TPST1: variants seen among roughly 807,000 people sequenced by gnomAD.
TPST1 encodes protein-tyrosine sulfotransferase 1.
TPST1 carries 20 observed loss-of-function variants against 34.8 expected under a neutral mutation model. That is an observed-to-expected ratio of 0.57 (90% confidence interval 0.40 to 0.84). The LOEUF is 0.84. Among genes scored for constraint, TPST1 ranks in the 40% least tolerant of loss-of-function variants. The pLI is 0.00. For missense variants in TPST1, 353 were observed against 455.5 expected (o/e 0.78, Z 2.05); for synonymous variants, 152 against 159.4 (o/e 0.95, Z 0.35).
chr7:66,206,968 T>C (rs538649008), intron 1 of TPST1, among the ~76,000 whole-genome samples: 1 of 152,254 alleles, frequency 6.6e-6, no homozygotes, highest in East Asian at 1.9e-4. Context: ...TTGGAGGAAA[T>C]AGCGAGTCGA....
intron 3 of TPST1, among the ~76,000 whole-genome samples, chr7:66,327,994 CTTTT>C (rs1241420683): frequency 2.1e-5 from 1 of 47,866 alleles, no homozygotes. Flanking sequence ...TTTTTTCTTT[CTTTT>C]TTTTTTCCTT....
rs193002691 is a variant in TPST1 at position 66,342,908 on chromosome 7, A to G, written c.1045-9597A>G. Among the ~76,000 whole-genome samples, 368 of 152,284 alleles carry G rather than the reference A, an allele frequency of 2.4e-3. 2 individuals carry two copies. The highest frequency in any genetic ancestry group is 8.3e-3 in the African/African-American group (343 of 41,558). Reference sequence around the variant, plus strand: ...TCAACACTGGGAATCACATTTCAGCATGAGTTGGAGGGGAAAAATACCCAA... The same window carrying G: ...TCAACACTGGGAATCACATTTCAGCGTGAGTTGGAGGGGAAAAATACCCAA... On this transcript the variant is annotated intron_variant, in intron 3 of 5. Coordinates refer to ENST00000304842, the MANE Select transcript of TPST1 (RefSeq NM_003596.4).
intron 3 of TPST1, among the ~76,000 whole-genome samples, chr7:66,322,306 A>G (rs1289230327): frequency 6.6e-6 from 1 of 152,180 alleles, no homozygotes; most frequent in Admixed American, 6.6e-5. Flanking sequence ...CAGTAGTGTT[A>G]AACATATTTA....
chr7:66,248,593 T>C (rs938991317), intron 2 of TPST1, among the ~76,000 whole-genome samples: 2 of 145,288 alleles, frequency 1.4e-5, no homozygotes, highest in Non-Finnish European at 3.0e-5. Context: ...AACCTCTGCC[T>C]CACGAGTTCA....
chr7:66,280,125 C>G (rs1457196324), intron 2 of TPST1, among the ~76,000 whole-genome samples: 14 of 152,226 alleles, frequency 9.2e-5, no homozygotes. Context: ...ATCCTGGCAC[C>G]AAAGGACAGC....
chr7:66,265,571 GA>G (rs1790575817), intron 2 of TPST1, among the ~76,000 whole-genome samples: 5 of 149,592 alleles, frequency 3.3e-5, no homozygotes, highest in Admixed American at 1.3e-4. Flanking sequence ...AAAGAAAAAA[GA>G]AAAAAAGGGA....
intron 4 of TPST1, among the ~76,000 whole-genome samples, chr7:66,354,994 CGAA>C (rs1554358408): frequency 6.6e-6 from 1 of 151,706 alleles, no homozygotes; most frequent in Non-Finnish European, 1.5e-5. Context: ...CTCATAAAAA[CGAA>C]GAAGATAATA....
chr7:66,338,172 A>ATTTTT (rs1792160480), intron 3 of TPST1, among the ~76,000 whole-genome samples: 1 of 152,232 alleles, frequency 6.6e-6, no homozygotes, highest in East Asian at 1.9e-4. Flanking sequence ...AAACCAAAAA[A>ATTTTT]GAGCAAGAGA....
chr7:66,262,381 C>T (rs781165486), intron 2 of TPST1, among the ~76,000 whole-genome samples: 2 of 152,148 alleles, frequency 1.3e-5, no homozygotes, highest in Admixed American at 6.5e-5. Context: ...CCTTTTATGC[C>T]TTGTGGGAGC....
At position 66,332,524 on chromosome 7, in the gene TPST1, C is replaced by T. The variant is rs1198121212; in HGVS notation, c.1045-19981C>T. 6.6e-6 allele frequency among the ~76,000 whole-genome samples: 1 copy of T among 152,126 alleles called. No individual in the cohort carries two copies. The highest frequency in any genetic ancestry group is 1.5e-5 in the Non-Finnish European group (1 of 68,018). ...CTGACCTCAGGTGATCCACCCGCCTCGGCCTCCCAAAGTGCTAGGATTACA... is the reference window on the plus strand; with the variant it reads ...CTGACCTCAGGTGATCCACCCGCCTTGGCCTCCCAAAGTGCTAGGATTACA... On this transcript the variant is annotated intron_variant, in intron 3 of 5. Transcript: ENST00000304842. This position sits in a 1 kb window ranked among gnomAD's most constrained non-coding sequence, Gnocchi z 4.5.
chr7:66,309,085 A>G (rs1791480263), intron 3 of TPST1, among the ~76,000 whole-genome samples: 1 of 152,138 alleles, frequency 6.6e-6, no homozygotes, highest in Non-Finnish European at 1.5e-5. Flanking sequence ...TTTAGTAGAG[A>G]CAGGGTTTCA....
chr7:66,244,589 T>C (rs1045858925), intron 2 of TPST1, among the ~76,000 whole-genome samples: 10 of 152,222 alleles, frequency 6.6e-5, no homozygotes, highest in Non-Finnish European at 1.3e-4. Flanking sequence ...TTTGAGGCTA[T>C]TTACGTTGCC....
intron 2 of TPST1, among the ~76,000 whole-genome samples, chr7:66,256,143 C>G (rs914025665): frequency 2.6e-5 from 4 of 152,132 alleles, no homozygotes; most frequent in Admixed American, 2.0e-4. Context: ...AGAGTTCACT[C>G]TAAAGGGAAT....
chr7:66,260,468 CTG>C (rs1462744522), intron 2 of TPST1, among the ~76,000 whole-genome samples: 2 of 152,234 alleles, frequency 1.3e-5, no homozygotes, highest in South Asian at 2.1e-4. Flanking sequence ...TCCATAATAA[CTG>C]TGGAATAATC....
chr7:66,230,065 G>C (rs187283603), intron 1 of TPST1, among the ~76,000 whole-genome samples: 3 of 152,168 alleles, frequency 2.0e-5, no homozygotes, highest in African/African-American at 4.8e-5. Context: ...GCACGCACCT[G>C]TAGTCCCAGC....
intron 1 of TPST1, among the ~76,000 whole-genome samples, chr7:66,239,147 C>T (rs2116396536): frequency 6.6e-6 from 1 of 152,310 alleles, no homozygotes; most frequent in South Asian, 2.1e-4. Context: ...TAGAATATCC[C>T]TCCCTCTGTC....
intron 2 of TPST1, among the ~76,000 whole-genome samples, chr7:66,242,379 C>CT (rs1430336446): frequency 2.6e-5 from 4 of 152,006 alleles, no homozygotes; most frequent in African/African-American, 9.7e-5. Context: ...GCCCTTCTTA[C>CT]TTTCACCAAG....
intron 1 of TPST1, among the ~76,000 whole-genome samples, chr7:66,210,119 G>T (rs1322166874): frequency 1.3e-5 from 2 of 152,192 alleles, no homozygotes; most frequent in Non-Finnish European, 2.9e-5. Context: ...TAAGGGGTTA[G>T]ATTTGGGAGT....
intron 2 of TPST1, among the ~76,000 whole-genome samples, chr7:66,284,019 A>C (rs892975688): frequency 6.6e-6 from 1 of 152,216 alleles, no homozygotes; most frequent in Non-Finnish European, 1.5e-5. Flanking sequence ...AAAGAGAAAC[A>C]CTTGACTGAT....
Sources: allele counts gnomAD v4.1 joint callset (sites outside exome capture counted in the v4.1 genomes callset), GRCh38; gene constraint gnomAD v4.1.1; non-coding constraint Gnocchi (gnomAD v3.1); transcripts MANE v1.5; gene names NCBI Gene and HGNC (gene_info 2026-07-23, HGNC 2026-07-21).